RPA2: variants seen among roughly 807,000 people sequenced by gnomAD.
RPA2 encodes the protein replication protein A2.
In RPA2, 22 loss-of-function variants were observed where a neutral mutation model predicts 33.4. That is an observed-to-expected ratio of 0.66 (90% CI 0.47 to 0.94). The LOEUF is 0.94. Ranked by LOEUF, RPA2 falls within the 40% of genes least tolerant of loss-of-function variation. RPA2 has a pLI of 0.00. For synonymous variants in RPA2, 109 were observed against 114.9 expected, an observed-to-expected ratio of 0.95 and a Z score of 0.33; for missense variants, 279 against 329.9, an observed-to-expected ratio of 0.85 and a Z score of 1.19.
At chr1:27,908,299 A>T (rs377562607) in intron 2 of RPA2, among the ~76,000 whole-genome samples, 1 of 140,244 alleles carries the variant, frequency 7.1e-6, no homozygotes, top group African/African-American at 2.6e-5. Flanking sequence ...TTAAAAAAAC[A>T]TTTTTTTTTT....
chr1:27,894,995 T>G (rs2089871781), intron 6 of RPA2, among the ~76,000 whole-genome samples: 1 of 152,190 alleles, frequency 6.6e-6, no homozygotes, highest in Non-Finnish European at 1.5e-5. Flanking sequence ...CTCCTAATAC[T>G]TGACCTCTCG....
At chr1:27,913,415 C>G (rs983288011) in intron 2 of RPA2, among the ~76,000 whole-genome samples, 7 of 151,002 alleles carry the variant, frequency 4.6e-5, no homozygotes, top group Non-Finnish European at 8.9e-5. Context: ...ATGGAGAAAC[C>G]CTGTCTCTAC....
intron 1 of RPA2, 60 bp from the exon 2 acceptor site, chr1:27,914,229 G>A (rs745971323): frequency 5.3e-5 from 85 of 1,605,294 alleles, no homozygotes; most frequent in Non-Finnish European, 6.9e-5. Context: ...GAAACCCGCA[G>A]GCTCCCGGAG....
intron 4 of RPA2, among the ~76,000 whole-genome samples, chr1:27,903,815 C>T (rs557308726): frequency 1.4e-5 from 2 of 147,544 alleles, no homozygotes; most frequent in Non-Finnish European, 3.0e-5. Context: ...ATCACTTGAG[C>T]CCAGGTTTGA....
intron 4 of RPA2, among the ~76,000 whole-genome samples, chr1:27,900,757 C>T (rs1342592331): frequency 6.6e-6 from 1 of 152,062 alleles, no homozygotes; most frequent in Admixed American, 6.6e-5. Context: ...CTCCATCTCT[C>T]AGGTTCAAGT....
In RPA2 at chr1:27,894,363, C is replaced by G. The variant is rs2089864033; in HGVS notation, c.560G>C (p.Gly187Ala). ...SAGRAPISNP[G>A]MSEAGNFGGN... is the part of the protein sequence containing the mutation. The stretch of plus-strand genomic sequence containing the variant: ...ACCAAAGTTCCCTGCTTCACTCATT[C>G]CTGGATTGCTGATAGGTGCTCTCCC... Residue 187 changes from glycine to alanine, a missense_variant, in exon 7 of 9, where the codon GGA becomes GCA. Coordinates refer to ENST00000373912, the MANE Select transcript of RPA2 (RefSeq NM_002946.5). 3 of 1,613,800 alleles carry G rather than the reference C, an allele frequency of 1.9e-6. No homozygotes were observed. Among genetic ancestry groups the G allele is most frequent in the South Asian group, 1.1e-5 (1 of 91,066 alleles).
chr1:27,902,489 G>A (rs2089980196), intron 4 of RPA2, among the ~76,000 whole-genome samples: 6 of 151,892 alleles, frequency 4.0e-5, no homozygotes, highest in Non-Finnish European at 7.4e-5. Flanking sequence ...ATACCATGTT[G>A]GCCAGGCTGG....
chr1:27,914,289 C>T (rs978814770), intron 1 of RPA2, 120 bp from the exon 2 acceptor site: 4 of 1,603,796 alleles, frequency 2.5e-6, no homozygotes, highest in Non-Finnish European at 3.4e-6. Flanking sequence ...TCCTCGCCGC[C>T]TTCCTGCGGG....
Position 27,907,322 on chromosome 1 carries a change from A to T in RPA2, c.118-40T>A, listed in dbSNP as rs780434874. The T allele has an allele frequency of 6.6e-6, 10 of 1,506,672 alleles. No individual in the cohort carries two copies. The East Asian group carries it at 2.3e-4, about 34-fold the overall frequency. The allele number at this position is 1,506,672 out of a possible 1,614,324, so 93.3% of individuals were successfully genotyped here. A position where few individuals can be genotyped will look rare whatever the true frequency, so the allele number is the denominator to read the frequency against. ...CATGCAAAATTCAATTAAGAAAGTAATAACTACCACTCATTCAACACCTGC... is the reference window on the plus strand; with the variant it reads ...CATGCAAAATTCAATTAAGAAAGTATTAACTACCACTCATTCAACACCTGC... On this transcript the variant is annotated intron_variant, in intron 2 of 8. Transcript: ENST00000373912.
chr1:27,904,960 T>C (rs1473307697), intron 4 of RPA2, among the ~76,000 whole-genome samples: 2 of 152,028 alleles, frequency 1.3e-5, no homozygotes, highest in Non-Finnish European at 2.9e-5. Context: ...CCTAAAACAG[T>C]CTTTATTATC....
At chr1:27,900,624 T>C (rs1316324041) in intron 4 of RPA2, among the ~76,000 whole-genome samples, 2 of 152,032 alleles carry the variant, frequency 1.3e-5, no homozygotes, top group Non-Finnish European at 2.9e-5. Flanking sequence ...AAGATATAAC[T>C]GAATTGCTGT....
intron 8 of RPA2, among the ~76,000 whole-genome samples, chr1:27,893,753 GC>G (rs1248334998): frequency 6.6e-6 from 1 of 151,962 alleles, no homozygotes; most frequent in African/African-American, 2.4e-5. Flanking sequence ...GATTACAGTT[GC>G]GTGCCACCAT....
intron 4 of RPA2, among the ~76,000 whole-genome samples, chr1:27,900,273 G>C (rs758793715): frequency 6.6e-6 from 1 of 151,872 alleles, no homozygotes; most frequent in Non-Finnish European, 1.5e-5. Flanking sequence ...CACTGTGCCC[G>C]GCTAGTTTTT....
chr1:27,892,058 C>A lies in RPA2; in HGVS notation c.*105G>T. 1.3e-6 allele frequency: 1 copy of A among 792,542 alleles called. No individual in the cohort carries two copies. The highest frequency in any genetic ancestry group is 2.1e-6 in the Non-Finnish European group (1 of 483,534). The allele number at this position is 792,542 out of a possible 1,614,324, so 49.1% of individuals were successfully genotyped here. On this transcript the variant is annotated 3_prime_UTR_variant, in exon 9 of 9. Coordinates refer to ENST00000373912, the MANE Select transcript of RPA2 (RefSeq NM_002946.5). ...CAGAGGAGACATTTGATAGATGAAA[C>A]CTACTTCCTAGAAGCCCCCTGGCCA... is the stretch of plus-strand genomic sequence containing the variant.
chr1:27,894,727 A>G (rs2089868490), intron 6 of RPA2, among the ~76,000 whole-genome samples: 1 of 152,238 alleles, frequency 6.6e-6, no homozygotes, highest in African/African-American at 2.4e-5. Flanking sequence ...CAATCATTCA[A>G]GCATTCACTG....
At chr1:27,895,038 AATGT>A (rs1266449805) in intron 6 of RPA2, among the ~76,000 whole-genome samples, 2 of 152,042 alleles carry the variant, frequency 1.3e-5, no homozygotes, top group Non-Finnish European at 2.9e-5. Context: ...CTCCTCTTGA[AATGT>A]ATTCCTCCCT....
intron 2 of RPA2, among the ~76,000 whole-genome samples, chr1:27,910,796 G>A (rs10443284): frequency 2.3e-3 from 354 of 152,294 alleles, no homozygotes; most frequent in Non-Finnish European, 4.0e-3. Context: ...GGAGTTAAGA[G>A]TCTGTGGTAA....
chr1:27,902,709 T>G (rs28904875), intron 4 of RPA2, among the ~76,000 whole-genome samples: 9 of 151,972 alleles, frequency 5.9e-5, no homozygotes, highest in African/African-American at 2.2e-4. Context: ...TTTGGGAGGC[T>G]GAGGTGGGAG....
chr1:27,894,240 T>G (rs1399270933), intron 7 of RPA2, 50 bp downstream of exon 7: 1 of 1,570,112 alleles, frequency 6.4e-7, no homozygotes, highest in African/African-American at 1.4e-5. Flanking sequence ...GTAACAAAAT[T>G]TAAGACTATC....
Sources: gnomAD v4.1 joint callset for allele counts (sites outside exome capture counted in the v4.1 genomes callset) on GRCh38, gnomAD v4.1.1 for gene constraint, MANE v1.5 for transcripts, NCBI Gene and HGNC (gene_info 2026-07-23, HGNC 2026-07-21) for gene names.